VLDLR: variants seen among roughly 807,000 people sequenced by gnomAD.
The protein encoded by VLDLR is very low density lipoprotein receptor.
In VLDLR, 81 loss-of-function variants were observed where a neutral mutation model predicts 112.7. The ratio of observed to expected loss-of-function variants is 0.72; its 90% CI spans 0.60 to 0.86. VLDLR has a LOEUF of 0.86. VLDLR is among the 40% of genes least tolerant of loss of function. VLDLR has a pLI of 0.00. For missense variants in VLDLR, 1,237 were observed against 1,099.4 expected, an observed-to-expected ratio of 1.13 and a Z score of -1.77; for synonymous variants, 436 against 384.8, an observed-to-expected ratio of 1.13 and a Z score of -1.56.
At chr9:2,648,958 G>A in intron 14 of VLDLR, 148 bp downstream of exon 14, 2 of 1,026,512 alleles carry the variant, frequency 1.9e-6, no homozygotes, top group Non-Finnish European at 2.9e-6. Context: ...CATTTCACAT[G>A]TTATTTTTTT....
intron 1 of VLDLR, among the ~76,000 whole-genome samples, chr9:2,630,357 G>A (rs114633213): frequency 2.9e-3 from 443 of 152,278 alleles, no homozygotes; most frequent in African/African-American, 0.01. Flanking sequence ...GGTGGCCCCA[G>A]AAGTGCCAAA....
Position 2,653,834 on chromosome 9 carries a change from T to C in VLDLR, c.2588T>C (p.Ile863Thr). ...SASVGHTYPAISVVSTDDDLA is the reference protein window; with the variant it reads ...SASVGHTYPATSVVSTDDDLA ...TTCTATACTTCTTCTTTTCCACAGA[T>C]ATCAGTTGTAAGCACAGATGATGAT... is the stretch of plus-strand genomic sequence containing the variant. Residue 863 changes from isoleucine to threonine, a missense_variant and splice_region_variant, in exon 19 of 19, where the codon ATA (isoleucine) becomes ACA (threonine). Physicochemically the swap from Ile to Thr is moderately conservative, Grantham distance 89. Transcript: ENST00000382100. 6.2e-7 allele frequency: 1 copy of C among 1,613,944 alleles called. No homozygotes were observed. The highest frequency in any genetic ancestry group is 8.5e-7 in the Non-Finnish European group (1 of 1,179,840).
chr9:2,651,469 T>G lies in VLDLR; in HGVS notation c.2306T>G (p.Ile769Ser), dbSNP rs1232184570. Reference protein sequence around the residue: ...SETKDTNTTEISATSGLVPGG... With the variant: ...SETKDTNTTESSATSGLVPGG... Reference sequence around the variant, plus strand: ...ACAAAAGATACGAACACAACAGAAATTTCAGCAACTAGTGGACTAGTTCCT... The same window carrying G: ...ACAAAAGATACGAACACAACAGAAAGTTCAGCAACTAGTGGACTAGTTCCT... The change falls in exon 16 of 19, where the codon ATT (isoleucine) becomes AGT (serine). Residue 769 changes from isoleucine (I) to serine (S), a missense_variant. Transcript: ENST00000382100. 1.2e-6 allele frequency: 2 copies of G among 1,613,926 alleles called. No individual in the cohort carries two copies. Among genetic ancestry groups the G allele is most frequent in the South Asian group, 2.2e-5 (2 of 91,070 alleles).
In VLDLR at chr9:2,641,552, A is replaced by AGG. The variant is rs35667430; in HGVS notation, c.448+55_448+56dup. On this transcript the variant is annotated intron_variant, in intron 4 of 18. Transcript: ENST00000382100. ...ACCCAAAGACCCTTTTCCTAAAGGA[A>AGG]GGGTGGGCAGGGGAAACTAATCTAA... The AGG allele has an allele frequency of 3.0e-3, 4,900 of 1,611,936 alleles. 139 individuals are homozygous for AGG. The African/African-American group carries it at 0.058, about 19-fold the overall frequency.
At position 2,622,280 on chromosome 9, in the gene VLDLR, G is replaced by C. The variant is rs1054309178; in HGVS notation, c.82+9G>C. ...CGGCGCCACCGGAACCGGTGAGTGAGGACGCGCCCCTCCGCCGGCGGGCGG... is the reference window on the plus strand; with the variant it reads ...CGGCGCCACCGGAACCGGTGAGTGACGACGCGCCCCTCCGCCGGCGGGCGG... On this transcript the variant is annotated intron_variant, in intron 1 of 18. Transcript: ENST00000382100. 3 of 1,468,560 alleles carry C rather than the reference G, an allele frequency of 2.0e-6. No homozygotes were observed. The highest frequency in any genetic ancestry group is 2.9e-5 in the East Asian group (1 of 34,376). 91.0% of individuals were successfully genotyped at this position (1,468,560 alleles called of 1,614,324 possible).
Position 2,656,472 on chromosome 9 carries a change from T to C in VLDLR, c.*2604T>C, listed in dbSNP as rs1017301773. On this transcript the variant is annotated 3_prime_UTR_variant, in exon 19 of 19. Coordinates refer to ENST00000382100, the MANE Select transcript of VLDLR (RefSeq NM_003383.5). ...AAAATAAAAGAAAAAAATAGTTATA[T>C]GACTAAACTACTAGTCAATACAGCT... 20 of 152,060 alleles carry C rather than the reference T, an allele frequency of 1.3e-4. No homozygotes were observed. Among genetic ancestry groups the C allele is most frequent in the African/African-American group, 4.8e-4 (20 of 41,400 alleles). 9.4% of individuals were successfully genotyped at this position (152,060 alleles called of 1,614,324 possible). A position where few individuals can be genotyped will look rare whatever the true frequency, so the allele number is the denominator to read the frequency against.
chr9:2,626,379 G>A (rs746537020), intron 1 of VLDLR, among the ~76,000 whole-genome samples: 3 of 152,094 alleles, frequency 2.0e-5, no homozygotes, highest in East Asian at 1.9e-4. Flanking sequence ...CCACACTTAC[G>A]GCATCATGTC....
intron 2 of VLDLR, among the ~76,000 whole-genome samples, chr9:2,639,052 T>C (rs1417230836): frequency 6.6e-6 from 1 of 152,236 alleles, no homozygotes; most frequent in Non-Finnish European, 1.5e-5. Flanking sequence ...TTCTCCACAC[T>C]AAACACATGT....
intron 3 of VLDLR, 120 bp from the exon 4 acceptor site, chr9:2,641,257 G>A: frequency 6.6e-7 from 1 of 1,523,232 alleles, no homozygotes; most frequent in Non-Finnish European, 9.0e-7. Context: ...CCAGTTAGTA[G>A]AATTTCACCA....
At chr9:2,644,615 G>A in intron 7 of VLDLR, 119 bp from the exon 8 acceptor site, 6 of 1,306,188 alleles carry the variant, frequency 4.6e-6, no homozygotes, top group Non-Finnish European at 5.4e-6. Context: ...TTAGGTCTTA[G>A]ACAAATCGTG....
At chr9:2,646,761 G>A (rs1260502152) in intron 11 of VLDLR, among the ~76,000 whole-genome samples, 3 of 152,166 alleles carry the variant, frequency 2.0e-5, no homozygotes, top group Non-Finnish European at 4.4e-5. Flanking sequence ...TCTGACTCTC[G>A]TATGACTGAT....
intron 13 of VLDLR, 115 bp downstream of exon 13, chr9:2,648,462 C>T (rs1308447563): frequency 6.4e-7 from 1 of 1,553,614 alleles, no homozygotes; most frequent in Non-Finnish European, 8.9e-7. Flanking sequence ...TGAGAAACTG[C>T]TTTCACTTAA....
chr9:2,633,450 GTTGTCTTCCAGGTACC>G (rs1471537783), intron 1 of VLDLR, among the ~76,000 whole-genome samples: 1 of 152,078 alleles, frequency 6.6e-6, no homozygotes, highest in Non-Finnish European at 1.5e-5. Context: ...TCTTAAGGAG[GTTGTCTTCCAGGTACC>G]TTAACCCTGA....
Position 2,658,263 on chromosome 9 carries a change from A to G in VLDLR, c.*4395A>G, listed in dbSNP as rs906016551. ...AGATAAATAAGCTACTAACAAACTG[A>G]TAACAGTGGTGTTCCATCTCTCTAT... is the stretch of plus-strand genomic sequence containing the variant. On this transcript the variant is annotated 3_prime_UTR_variant, in exon 19 of 19. Transcript: ENST00000382100. 6.6e-6 allele frequency: 1 copy of G among 152,222 alleles called. No homozygotes were observed. The highest frequency in any genetic ancestry group is 1.9e-4 in the East Asian group (1 of 5,198). The allele number at this position is 152,222 out of a possible 1,614,324, so 9.4% of individuals were successfully genotyped here.
rs1408715296 is a variant in VLDLR, at chr9:2,643,892, T to C, written c.999T>C (p.Asp333=). Residue 333 remains aspartate, a synonymous_variant, in exon 7 of 19, where the codon GAT becomes GAC. Coordinates refer to ENST00000382100, the MANE Select transcript of VLDLR (RefSeq NM_003383.5). The stretch of plus-strand genomic sequence containing the variant: ...AGTGCAGAAGTGGAGAATGCATAGA[T>C]ATCAGCAAAGTATGTAACCAGGAGC... ...KFKCRSGECI[D]ISKVCNQEQD... is the part of the protein sequence containing the mutation. The C allele has an allele frequency of 6.2e-7, 1 of 1,614,154 alleles. No individual in the cohort carries two copies. Among genetic ancestry groups the C allele is most frequent in the Admixed American group, 1.7e-5 (1 of 60,032 alleles).
rs1817750035 is a variant in VLDLR, at chr9:2,639,860, A to G, written c.204A>G (p.Val68=). The G allele has an allele frequency of 6.2e-7, 1 of 1,614,056 alleles. No individual in the cohort carries two copies. The highest frequency in any genetic ancestry group is 1.7e-5 in the Admixed American group (1 of 59,994). Residue 68 remains valine (V), a splice_region_variant and synonymous_variant, in exon 3 of 19, where the codon GTA becomes GTG. Transcript: ENST00000382100. ...CVDGSDEKNC[V]KKTCAESDFV... Reference sequence around the variant, plus strand: ...AACCCTTCAAATAAACGTTTGTAGTAAAGAAGACGTGTGCTGAATCTGACT... The same window carrying G: ...AACCCTTCAAATAAACGTTTGTAGTGAAGAAGACGTGTGCTGAATCTGACT...
In VLDLR at chr9:2,633,045, A is replaced by AGTGT. The variant is rs1441998492; in HGVS notation, c.83-2407_83-2406insTGTG. ...TACTCCTTATTGGAGAGAGAGAGAG[A>AGTGT]GAGAGAGTGTGTGTGTGTGTGTGTG... On this transcript the variant is annotated intron_variant, in intron 1 of 18. Coordinates refer to ENST00000382100, the MANE Select transcript of VLDLR (RefSeq NM_003383.5). 9.3e-4 allele frequency among the ~76,000 whole-genome samples: 106 copies of AGTGT among 113,772 alleles called. 1 individual carries two copies. Among genetic ancestry groups the AGTGT allele is most frequent in the Non-Finnish European group, 9.9e-4 (57 of 57,658 alleles). The allele number at this position is 113,772 out of a possible 152,430, so 74.6% of individuals were successfully genotyped here.
chr9:2,646,416 G>A lies in VLDLR; in HGVS notation c.1567G>A (p.Val523Met), dbSNP rs373695454. 13 of 1,614,026 alleles carry A rather than the reference G, an allele frequency of 8.1e-6. No individual in the cohort carries two copies. The highest frequency in any genetic ancestry group is 1.0e-5 in the Non-Finnish European group (12 of 1,180,022). The part of the protein sequence containing the change: ...YNPAAIAVDW[V>M]YKTIYWTDAA... ...TCCTGCAGCCATTGCTGTTGATTGG[G>A]TGTACAAGACCATCTACTGGACTGA... The change falls in exon 11 of 19, where the codon GTG (valine) becomes ATG (methionine). Residue 523 changes from valine to methionine, a missense_variant. By Grantham distance (21) the Val-to-Met change is conservative. Transcript: ENST00000382100.
chr9:2,652,378 T>C (rs199826612), intron 17 of VLDLR, among the ~76,000 whole-genome samples: 6 of 152,240 alleles, frequency 3.9e-5, no homozygotes, highest in East Asian at 1.9e-4. Flanking sequence ...TTCAAACCTA[T>C]GGAAAAGGAC....
Sources: allele counts gnomAD v4.1 joint callset (sites outside exome capture counted in the v4.1 genomes callset), GRCh38; gene constraint gnomAD v4.1.1; transcripts MANE v1.5; gene names NCBI Gene and HGNC (gene_info 2026-07-23, HGNC 2026-07-21).